Variants in NPAS3 observed in about 807,000 individuals in gnomAD.
NPAS3 encodes neuronal PAS domain-containing protein 3.
In NPAS3, 14 loss-of-function variants were observed where a neutral mutation model predicts 73.1. The observed-to-expected ratio is 0.19, with a 90% CI of 0.13 to 0.30. The LOEUF (loss-of-function observed/expected upper bound fraction) is 0.30, where lower values mean the gene tolerates loss of function less well. NPAS3 is among the 10% of genes least tolerant of loss of function. The probability of loss-of-function intolerance (pLI) is 1.00; values close to 1 mark genes in which losing one functional copy is unlikely to be tolerated. For missense variants in NPAS3, 1,096 were observed against 1,250.0 expected (o/e 0.88, Z 1.86); for synonymous variants, 620 against 541.5 (o/e 1.14, Z -2.01).
chr14:33,583,643 T>C (rs1222855167), intron 5 of NPAS3, among the ~76,000 whole-genome samples: 2 of 152,160 alleles, frequency 1.3e-5, no homozygotes, highest in East Asian at 3.8e-4. Flanking sequence ...CCAGTTTGTG[T>C]TAGGATTTAT....
At chr14:33,459,459 T>C (rs1192501066) in intron 4 of NPAS3, among the ~76,000 whole-genome samples, 1 of 152,192 alleles carries the variant, frequency 6.6e-6, no homozygotes, top group African/African-American at 2.4e-5. Flanking sequence ...GTTGATTGAG[T>C]ACATAATCCT....
intron 2 of NPAS3, among the ~76,000 whole-genome samples, chr14:33,158,691 C>G (rs2044737293): frequency 6.6e-6 from 1 of 151,994 alleles, no homozygotes; most frequent in Non-Finnish European, 1.5e-5. Flanking sequence ...AAAGAACAGT[C>G]CCAGAAGAGG....
chr14:33,201,023 CTA>C (rs1003174480), intron 2 of NPAS3, among the ~76,000 whole-genome samples: 3 of 152,168 alleles, frequency 2.0e-5, no homozygotes, highest in African/African-American at 7.2e-5. Flanking sequence ...ACCAACCAAA[CTA>C]TACCACTCTT....
At chr14:33,749,701 G>C (rs1238931946) in intron 7 of NPAS3, among the ~76,000 whole-genome samples, 1 of 151,520 alleles carries the variant, frequency 6.6e-6, no homozygotes, top group Non-Finnish European at 1.5e-5. Flanking sequence ...GGACAAAAAG[G>C]TGGCACTGCG....
At chr14:33,397,500 T>C (rs1004659518) in intron 4 of NPAS3, among the ~76,000 whole-genome samples, 11 of 152,144 alleles carry the variant, frequency 7.2e-5, no homozygotes, top group African/African-American at 2.4e-4. Context: ...TACTGTACAG[T>C]ACTTCTTGGT....
At chr14:33,392,457 CTA>C (rs751802928) in intron 4 of NPAS3, among the ~76,000 whole-genome samples, 27 of 152,240 alleles carry the variant, frequency 1.8e-4, no homozygotes, top group Non-Finnish European at 3.7e-4. Flanking sequence ...ATGCCAGTGA[CTA>C]TGCTTTTCTA....
chr14:33,258,783 T>C (rs2048866259), intron 3 of NPAS3, among the ~76,000 whole-genome samples: 1 of 152,120 alleles, frequency 6.6e-6, no homozygotes, highest in African/African-American at 2.4e-5. Context: ...TGGAGGAAAA[T>C]ACTCATTTTT....
At chr14:33,520,780 A>G (rs2053521447) in intron 4 of NPAS3, among the ~76,000 whole-genome samples, 2 of 152,152 alleles carry the variant, frequency 1.3e-5, no homozygotes, top group African/African-American at 4.8e-5. Context: ...AACCTGTAAT[A>G]AAATGGTCAG....
chr14:33,188,123 C>A (rs928033580), intron 2 of NPAS3, among the ~76,000 whole-genome samples: 7 of 152,210 alleles, frequency 4.6e-5, no homozygotes, highest in African/African-American at 1.7e-4. Context: ...TGCCTCCCTG[C>A]ATCCTAATGT....
intron 7 of NPAS3, among the ~76,000 whole-genome samples, chr14:33,766,647 CT>C (rs59089336): frequency 0.035 from 5,378 of 152,220 alleles, 304 homozygotes; most frequent in African/African-American, 0.12. Context: ...TACTCCCTTA[CT>C]TCTGTCTAAT....
chr14:33,444,039 T>C (rs956931396), intron 4 of NPAS3, among the ~76,000 whole-genome samples: 9 of 152,242 alleles, frequency 5.9e-5, no homozygotes, highest in African/African-American at 2.2e-4. Flanking sequence ...TACATTTGTA[T>C]TTTTTTCCAT....
chr14:33,227,498 G>A (rs868734638), intron 3 of NPAS3, among the ~76,000 whole-genome samples: 7 of 152,194 alleles, frequency 4.6e-5, no homozygotes, highest in Non-Finnish European at 8.8e-5. Context: ...ACAGTCTGGA[G>A]GCTGGAAATC....
At chr14:33,454,111 G>C (rs970147542) in intron 4 of NPAS3, among the ~76,000 whole-genome samples, 1 of 152,104 alleles carries the variant, frequency 6.6e-6, no homozygotes. Flanking sequence ...TCTGGACCCT[G>C]TACCCTTTTT....
intron 3 of NPAS3, among the ~76,000 whole-genome samples, chr14:33,346,406 A>G (rs969049549): frequency 4.6e-5 from 7 of 151,336 alleles, no homozygotes; most frequent in Non-Finnish European, 7.4e-5. Flanking sequence ...TCACATGCCT[A>G]TAGTCCCAGC....
chr14:33,063,450 C>A (rs1004354894), intron 2 of NPAS3, among the ~76,000 whole-genome samples: 3 of 152,082 alleles, frequency 2.0e-5, no homozygotes, highest in African/African-American at 7.2e-5. Context: ...TACCCCCAAC[C>A]CCCCAGTTTT....
intron 2 of NPAS3, among the ~76,000 whole-genome samples, chr14:33,131,992 T>TG (rs1233170319): frequency 1.3e-5 from 2 of 151,932 alleles, no homozygotes; most frequent in Non-Finnish European, 2.9e-5. Flanking sequence ...GCTGAACAGG[T>TG]GATTGAGAAG....
intron 6 of NPAS3, among the ~76,000 whole-genome samples, chr14:33,689,112 T>C (rs2060166906): frequency 6.6e-6 from 1 of 152,186 alleles, no homozygotes; most frequent in African/African-American, 2.4e-5. Context: ...CGTAGGGCCT[T>C]AGAACAAGAC....
chr14:33,400,931 CTT>C (rs10709040), intron 4 of NPAS3, among the ~76,000 whole-genome samples: 9 of 150,650 alleles, frequency 6.0e-5, no homozygotes, highest in Admixed American at 2.0e-4. Context: ...TACTTTTTGT[CTT>C]TTTTTTTTTA....
At chr14:33,287,719 G>A (rs1825413249) in intron 3 of NPAS3, among the ~76,000 whole-genome samples, 1 of 152,126 alleles carries the variant, frequency 6.6e-6, no homozygotes, top group African/African-American at 2.4e-5. Context: ...GTTTGGAGAA[G>A]GGGTTAGAAT....
Sources: allele counts gnomAD v4.1 joint callset (sites outside exome capture counted in the v4.1 genomes callset), GRCh38; gene constraint gnomAD v4.1.1; transcripts MANE v1.5; gene names NCBI Gene and HGNC (gene_info 2026-07-23, HGNC 2026-07-21).